APMAP: variants seen among roughly 807,000 people sequenced by gnomAD.
APMAP encodes adipocyte plasma membrane-associated protein.
A neutral mutation model predicts 43.6 loss-of-function variants in APMAP; 33 were observed. That is an observed-to-expected ratio of 0.76 (90% CI 0.57 to 1.01). The LOEUF (loss-of-function observed/expected upper bound fraction) is 1.01. Ranked by LOEUF, APMAP falls within the 50% of genes least tolerant of loss-of-function variation. The pLI is 0.00. For synonymous variants in APMAP, 224 were observed against 216.7 expected (o/e 1.03, Z -0.30); for missense variants, 498 against 540.7 (o/e 0.92, Z 0.78).
intron 8 of APMAP, among the ~76,000 whole-genome samples, chr20:24,964,588 G>A (rs560470668): frequency 1.3e-5 from 2 of 152,244 alleles, no homozygotes; most frequent in East Asian, 1.9e-4. Flanking sequence ...CCTGAGGGAC[G>A]CCTACAGGGA....
At chr20:24,965,830 G>A (rs1411319832) in intron 8 of APMAP, among the ~76,000 whole-genome samples, 1 of 152,198 alleles carries the variant, frequency 6.6e-6, no homozygotes, top group East Asian at 1.9e-4. Context: ...GAGGACAATG[G>A]GATCCAGGTT....
At chr20:24,970,728 A>G (rs2087991698) in intron 5 of APMAP, among the ~76,000 whole-genome samples, 1 of 152,260 alleles carries the variant, frequency 6.6e-6, no homozygotes, top group Non-Finnish European at 1.5e-5. Flanking sequence ...GAAAAGTAGT[A>G]GTAAGTTTTG....
intron 6 of APMAP, 51 bp downstream of exon 6, chr20:24,970,146 C>A (rs560875623): frequency 1.2e-6 from 2 of 1,601,332 alleles, no homozygotes; most frequent in South Asian, 2.2e-5. Context: ...GCTGAAGCAA[C>A]TGGCCTGGCT....
intron 3 of APMAP, among the ~76,000 whole-genome samples, chr20:24,974,509 T>TA (rs1477066096): frequency 6.6e-6 from 1 of 152,184 alleles, no homozygotes; most frequent in Admixed American, 6.5e-5. Flanking sequence ...ATAATCACTT[T>TA]AAACATAAAT....
intron 8 of APMAP, among the ~76,000 whole-genome samples, chr20:24,965,520 T>C (rs2087935145): frequency 1.3e-5 from 2 of 152,294 alleles, no homozygotes; most frequent in Admixed American, 1.3e-4. Context: ...TGAGGAGGTG[T>C]CCCTGCAGGG....
At chr20:24,979,281 C>T (rs2088079591) in intron 2 of APMAP, among the ~76,000 whole-genome samples, 1 of 152,184 alleles carries the variant, frequency 6.6e-6, no homozygotes, top group Admixed American at 6.5e-5. Flanking sequence ...ACGTTTCACA[C>T]CTGATGACCC....
intron 3 of APMAP, 23 bp from the exon 4 acceptor site, chr20:24,973,760 G>A (rs377034714): frequency 3.1e-6 from 5 of 1,606,860 alleles, no homozygotes; most frequent in Admixed American, 3.3e-5. Context: ...ACAAAAAGGA[G>A]GAAGAGCAAT....
rs116853046 is a variant in APMAP at position 24,977,370 on chromosome 20, C to T, written c.328+1397G>A. 2.2e-4 allele frequency among the ~76,000 whole-genome samples: 34 copies of T among 152,298 alleles called. No homozygotes were observed. In the East Asian group the frequency reaches 6.4e-3, roughly 28 times the overall value. On this transcript the variant is annotated intron_variant, in intron 3 of 8. Transcript: ENST00000217456. ...ACCTTCTGCTCAATTTTGCTGTGAA[C>T]CTAAAACTGCTCTTAAAAATAAAGT... is the stretch of plus-strand genomic sequence containing the variant.
chr20:24,970,729 G>A (rs974473015), intron 5 of APMAP, among the ~76,000 whole-genome samples: 59 of 152,306 alleles, frequency 3.9e-4, no homozygotes, highest in African/African-American at 1.3e-3. Context: ...AAAAGTAGTA[G>A]TAAGTTTTGA....
At chr20:24,967,091 C>T (rs572825985) in intron 8 of APMAP, among the ~76,000 whole-genome samples, 77 of 152,200 alleles carry the variant, frequency 5.1e-4, no homozygotes, top group African/African-American at 1.8e-3. Context: ...GTCAGGCGTT[C>T]GAGACCAGCC....
chr20:24,972,557 G>C (rs2088014497), intron 4 of APMAP, among the ~76,000 whole-genome samples: 1 of 144,704 alleles, frequency 6.9e-6, no homozygotes, highest in Non-Finnish European at 1.5e-5. Context: ...TCACTGTGGG[G>C]TCCTCACTGA....
chr20:24,967,443 C>G (rs920717079), intron 8 of APMAP, among the ~76,000 whole-genome samples: 1 of 152,200 alleles, frequency 6.6e-6, no homozygotes, highest in Non-Finnish European at 1.5e-5. Context: ...ATGCTTGCAG[C>G]CCCCTCCCTA....
chr20:24,969,044 A>G lies in APMAP; in HGVS notation c.889T>C (p.Phe297Leu), dbSNP rs1393647904. 3 of 1,613,596 alleles carry G rather than the reference A, an allele frequency of 1.9e-6. No individual in the cohort carries two copies. The highest frequency in any genetic ancestry group is 1.6e-4 in the Middle Eastern group (1 of 6,080). ...GGAAATCCAGGCATGTTCTCCACAAACAGATCAGCCCCGCCCTTCATCAGG... is the reference window on the plus strand; with the variant it reads ...GGAAATCCAGGCATGTTCTCCACAAGCAGATCAGCCCCGCCCTTCATCAGG... ...SGLMKGGADL[F>L]VENMPGFPDN... Residue 297 changes from phenylalanine to leucine, a missense_variant, in exon 8 of 9, where the codon TTT becomes CTT. By Grantham distance (22) the Phe-to-Leu change is conservative (BLOSUM62 0). Coordinates refer to ENST00000217456, the MANE Select transcript of APMAP (RefSeq NM_020531.3).
chr20:24,984,353 C>G (rs2088130767), intron 1 of APMAP, among the ~76,000 whole-genome samples: 1 of 152,146 alleles, frequency 6.6e-6, no homozygotes, highest in Non-Finnish European at 1.5e-5. Flanking sequence ...AAAAAGAGTT[C>G]TAATGACATA....
chr20:24,964,768 A>G (rs1051198709), intron 8 of APMAP, among the ~76,000 whole-genome samples: 3 of 152,170 alleles, frequency 2.0e-5, no homozygotes, highest in African/African-American at 7.2e-5. Flanking sequence ...GGAAATTAAC[A>G]GACAGATTTC....
intron 2 of APMAP, among the ~76,000 whole-genome samples, chr20:24,982,869 G>C (rs1205121398): frequency 7.0e-6 from 1 of 143,712 alleles, no homozygotes; most frequent in African/African-American, 2.7e-5. Context: ...CCCTCCTTTG[G>C]AGACAGGATG....
chr20:24,971,158 G>A (rs1265327856), intron 5 of APMAP, among the ~76,000 whole-genome samples: 1 of 152,152 alleles, frequency 6.6e-6, no homozygotes, highest in Non-Finnish European at 1.5e-5. Context: ...GAGACACACA[G>A]AAAAATCAAG....
In APMAP at chr20:24,992,733, C is replaced by T. The variant is rs374865229; in HGVS notation, c.-45G>A. On this transcript the variant is annotated 5_prime_UTR_variant, in exon 1 of 9. Coordinates refer to ENST00000217456, the MANE Select transcript of APMAP (RefSeq NM_020531.3). ...CCCGCAGAAACCACCTCACACTGAGCGGCGCCGGCTCAGACTCCAGGCCCG... is the reference window on the plus strand; with the variant it reads ...CCCGCAGAAACCACCTCACACTGAGTGGCGCCGGCTCAGACTCCAGGCCCG... The T allele has an allele frequency of 7.8e-6, 11 of 1,405,882 alleles. No individual in the cohort carries two copies. Among genetic ancestry groups the T allele is most frequent in the African/African-American group, 5.9e-5 (4 of 68,316 alleles). The allele number at this position is 1,405,882 out of a possible 1,614,324, so 87.1% of individuals were successfully genotyped here.
At chr20:24,966,166 C>G (rs144360544) in intron 8 of APMAP, among the ~76,000 whole-genome samples, 1 of 152,296 alleles carries the variant, frequency 6.6e-6, no homozygotes, top group East Asian at 1.9e-4. Flanking sequence ...CAAGAGGAAA[C>G]TGGAACGACT....
Sources: allele counts gnomAD v4.1 joint callset (sites outside exome capture counted in the v4.1 genomes callset), GRCh38; gene constraint gnomAD v4.1.1; transcripts MANE v1.5; gene names NCBI Gene and HGNC (gene_info 2026-07-23, HGNC 2026-07-21).